The following BSND variants were observed in gnomAD, a reference collection of about 807,000 sequenced individuals.
The protein encoded by BSND is barttin CLCNK type accessory subunit beta.
Under a neutral mutation model 18.8 loss-of-function variants are expected in BSND, and 13 were observed. That is an observed-to-expected ratio of 0.69 (90% CI 0.45 to 1.10). The LOEUF (loss-of-function observed/expected upper bound fraction) is 1.10. Among genes scored for constraint, BSND ranks in the 50% least tolerant of loss-of-function variants. The pLI is 0.00. For missense variants in BSND, 379 were observed against 416.7 expected, an observed-to-expected ratio of 0.91 and a Z score of 0.79; for synonymous variants, 170 against 161.8, an observed-to-expected ratio of 1.05 and a Z score of -0.39.
rs12095947 is a variant in BSND, at chr1:55,013,433, C to G, written c.*4805C>G. 0.19 allele frequency among the ~76,000 whole-genome samples: 29,176 copies of G among 152,076 alleles called. 3,867 individuals are homozygous for G. Among genetic ancestry groups the G allele is most frequent in the African/African-American group, 0.38 (15,730 of 41,434 alleles). On this transcript the variant is annotated 3_prime_UTR_variant, in exon 4 of 4. Transcript: ENST00000651561. ...CCGCCTCAGCCTCCCAAAGTGCTGG[C>G]ATTACAGGTGTGAGTCACTGCACCC...
rs1038535117 is a variant in BSND, at chr1:55,011,268, A to G, written c.*2640A>G. On this transcript the variant is annotated 3_prime_UTR_variant, in exon 4 of 4. Transcript: ENST00000651561. ...AGACCACACACCTGATCTGCCCAGG[A>G]AGGTCCCGGTTGACACCGACTGCCT... The G allele has an allele frequency of 1.3e-5, 2 of 152,118 alleles. No individual in the cohort carries two copies. The highest frequency in any genetic ancestry group is 6.5e-5 in the Admixed American group (1 of 15,268). The allele number at this position is 152,118 out of a possible 1,614,324, so 9.4% of individuals were successfully genotyped here.
In BSND at chr1:55,007,285, A is replaced by C. The variant is rs1208948269; in HGVS notation, c.548+13A>C. 2 of 1,343,860 alleles carry C rather than the reference A, an allele frequency of 1.5e-6. No homozygotes were observed. The allele number at this position is 1,343,860 out of a possible 1,614,324, so 83.2% of individuals were successfully genotyped here. A position where few individuals can be genotyped will look rare whatever the true frequency, so the allele number is the denominator to read the frequency against. On this transcript the variant is annotated intron_variant, in intron 3 of 3. Coordinates refer to ENST00000651561, the MANE Select transcript of BSND (RefSeq NM_057176.3). ...AGAGCTGGCCCGGGTGAGTGCTTAG[A>C]GGGCAGGAGTGGGGCTTCTGCCCAG...
intron 2 of BSND, among the ~76,000 whole-genome samples, chr1:55,006,526 A>C (rs1644392104): frequency 6.6e-6 from 1 of 152,150 alleles, no homozygotes; most frequent in African/African-American, 2.4e-5. Flanking sequence ...GAGCCAACTA[A>C]CAGAGCCTGG....
intron 2 of BSND, among the ~76,000 whole-genome samples, chr1:55,005,625 A>G (rs543618813): frequency 3.0e-4 from 46 of 152,320 alleles, no homozygotes; most frequent in African/African-American, 9.6e-4. Context: ...GAGATAATAT[A>G]GGCAGAGTGC....
Position 55,016,787 on chromosome 1 carries a change from A to G in BSND, c.*8159A>G, listed in dbSNP as rs112073522. 6.3e-3 allele frequency among the ~76,000 whole-genome samples: 962 copies of G among 152,318 alleles called. 10 individuals are homozygous for G. Among genetic ancestry groups the G allele is most frequent in the African/African-American group, 0.022 (916 of 41,562 alleles). On this transcript the variant is annotated 3_prime_UTR_variant, in exon 4 of 4. Coordinates refer to ENST00000651561, the MANE Select transcript of BSND (RefSeq NM_057176.3). The stretch of plus-strand genomic sequence containing the variant: ...AAATCAGACAACTGTGCTAGACTAT[A>G]CTTACAGAAGGCAGTTTATCATAGC...
rs1557487757 is a variant in BSND, at chr1:55,012,306, CT to C, written c.*3679del. ...GTCACCATGCAAGACACCGTCACCC[CT>C]ATTACCCTATCTAGTCCGTGAAACA... On this transcript the variant is annotated 3_prime_UTR_variant, in exon 4 of 4. Transcript: ENST00000651561. 6.6e-6 allele frequency among the ~76,000 whole-genome samples: 1 copy of C among 152,214 alleles called. No homozygotes were observed.
chr1:55,013,212 A>G lies in BSND; in HGVS notation c.*4584A>G, dbSNP rs567943242. 1.3e-5 allele frequency among the ~76,000 whole-genome samples: 2 copies of G among 152,224 alleles called. No homozygotes were observed. The highest frequency in any genetic ancestry group is 6.5e-5 in the Admixed American group (1 of 15,286). On this transcript the variant is annotated 3_prime_UTR_variant, in exon 4 of 4. Transcript: ENST00000651561. The stretch of plus-strand genomic sequence containing the variant: ...GAGTGTTGCGCTTGTTGCCCAGGCT[A>G]GAGTGCAATGGCGCAATCTCAGCTT...
At chr1:55,003,928 T>C (rs993765955) in intron 1 of BSND, among the ~76,000 whole-genome samples, 4 of 152,236 alleles carry the variant, frequency 2.6e-5, no homozygotes, top group Non-Finnish European at 5.9e-5. Flanking sequence ...TACATTCACA[T>C]TGTCATCCAA....
Position 55,013,676 on chromosome 1 carries a change from T to A in BSND, c.*5048T>A, listed in dbSNP as rs552366571. 5.8e-4 allele frequency among the ~76,000 whole-genome samples: 88 copies of A among 152,246 alleles called. No homozygotes were observed. The highest frequency in any genetic ancestry group is 2.0e-3 in the African/African-American group (83 of 41,546). On this transcript the variant is annotated 3_prime_UTR_variant, in exon 4 of 4. Transcript: ENST00000651561. The stretch of plus-strand genomic sequence containing the variant: ...AGGCAGCAAGGTTCCACTGAGCATC[T>A]CCCTGTGCTAGTGTGGAGGGAGACA...
intron 1 of BSND, among the ~76,000 whole-genome samples, chr1:55,004,359 G>A (rs1201353647): frequency 2.6e-5 from 4 of 152,234 alleles, no homozygotes; most frequent in Non-Finnish European, 5.9e-5. Context: ...ACTGCGAAGA[G>A]AGATGACCTG....
In BSND at chr1:55,010,343, C is replaced by T. The variant is rs1644415840; in HGVS notation, c.*1715C>T. Reference sequence around the variant, plus strand: ...GCAGCCCCTGAAGACATCACTGTACCCTATTGAACCATCTCAGGGTGATGC... The same window carrying T: ...GCAGCCCCTGAAGACATCACTGTACTCTATTGAACCATCTCAGGGTGATGC... On this transcript the variant is annotated 3_prime_UTR_variant, in exon 4 of 4. Transcript: ENST00000651561. The T allele has an allele frequency of 6.6e-6, 1 of 152,212 alleles. No homozygotes were observed. The highest frequency in any genetic ancestry group is 1.5e-5 in the Non-Finnish European group (1 of 68,066). 9.4% of individuals were successfully genotyped at this position (152,212 alleles called of 1,614,324 possible).
At position 55,015,497 on chromosome 1, in the gene BSND, G is replaced by A. The variant is rs1451173394; in HGVS notation, c.*6869G>A. 6.6e-6 allele frequency among the ~76,000 whole-genome samples: 1 copy of A among 152,208 alleles called. No homozygotes were observed. The highest frequency in any genetic ancestry group is 1.9e-4 in the East Asian group (1 of 5,198). ...GAAAATGGGCCCCACTGGTGATTCT[G>A]CAGATAGTCCCTGCACATCCCGGAG... On this transcript the variant is annotated 3_prime_UTR_variant, in exon 4 of 4. Coordinates refer to ENST00000651561, the MANE Select transcript of BSND (RefSeq NM_057176.3).
chr1:54,999,330 C>T lies in BSND; in HGVS notation c.144C>T (p.Gly48=), dbSNP rs1326285644. Residue 48 remains glycine (G), a synonymous_variant, in exon 1 of 4, where the codon GGC becomes GGT. Coordinates refer to ENST00000651561, the MANE Select transcript of BSND (RefSeq NM_057176.3). The part of the protein sequence containing the change: ...YAMGSVMVIG[G]IIWSMCQCYP... ...TGGGCAGCGTCATGGTGATCGGGGGCATCATCTGGAGCATGTGCCAGTGCT... is the reference window on the plus strand; with the variant it reads ...TGGGCAGCGTCATGGTGATCGGGGGTATCATCTGGAGCATGTGCCAGTGCT... The T allele has an allele frequency of 1.2e-6, 2 of 1,612,828 alleles. No individual in the cohort carries two copies. The highest frequency in any genetic ancestry group is 2.2e-5 in the South Asian group (2 of 91,052).
chr1:54,999,523 C>T (rs1425290485), intron 1 of BSND, among the ~76,000 whole-genome samples, 160 bp downstream of exon 1: 2 of 117,636 alleles, frequency 1.7e-5, no homozygotes, highest in African/African-American at 9.8e-5. Context: ...TCTGTCCCAT[C>T]CATCCATCCA....
chr1:55,000,287 C>A (rs760968265), intron 1 of BSND, among the ~76,000 whole-genome samples: 6 of 152,208 alleles, frequency 3.9e-5, no homozygotes, highest in Non-Finnish European at 7.3e-5. Flanking sequence ...CCTAGAGAGG[C>A]TGGGTGACTT....
chr1:54,999,418 A>G, intron 1 of BSND, 55 bp downstream of exon 1: 1 of 1,552,922 alleles, frequency 6.4e-7, no homozygotes, highest in Non-Finnish European at 8.7e-7. Context: ...GGAGGGCTGG[A>G]CACTGTGCCT....
chr1:55,005,149 T>G lies in BSND; in HGVS notation c.272+33T>G, dbSNP rs41297879. The G allele has an allele frequency of 0.025, 40,177 of 1,599,410 alleles. 1,216 individuals carry two copies. Among genetic ancestry groups the G allele is most frequent in the African/African-American group, 0.11 (8,137 of 74,506 alleles). ...CCAGGCCCTCTCGGGAGGGGAGGAG[T>G]AAGCCCCATAGGCCAGTCTCCCCTG... On this transcript the variant is annotated intron_variant, in intron 2 of 3. Transcript: ENST00000651561.
chr1:55,007,840 C>T (rs1033985564), intron 3 of BSND, among the ~76,000 whole-genome samples: 1 of 152,166 alleles, frequency 6.6e-6, no homozygotes, highest in Non-Finnish European at 1.5e-5. Context: ...GGAATCTACC[C>T]CTGAGGAGCT....
At chr1:55,001,181 T>C (rs372456166) in intron 1 of BSND, among the ~76,000 whole-genome samples, 1 of 149,554 alleles carries the variant, frequency 6.7e-6, no homozygotes. Flanking sequence ...GTACGGCTGA[T>C]TGGGAGAACA....
Sources: gnomAD v4.1 joint callset for allele counts (sites outside exome capture counted in the v4.1 genomes callset) on GRCh38, gnomAD v4.1.1 for gene constraint, MANE v1.5 for transcripts, NCBI Gene and HGNC (gene_info 2026-07-23, HGNC 2026-07-21) for gene names.